Variants in ENTREP2 observed in about 807,000 individuals in gnomAD.
ENTREP2 encodes the protein endosomal transmembrane epsin interactor 2.
the ENTREP2 span, among the ~76,000 whole-genome samples, chr15:29,428,943 G>T: frequency 6.6e-6 from 1 of 152,218 alleles, no homozygotes; most frequent in Non-Finnish European, 1.5e-5. Flanking sequence ...AGGATTTGCT[G>T]GGTGGCTGAT....
the ENTREP2 span, among the ~76,000 whole-genome samples, chr15:29,526,197 T>G: frequency 6.6e-6 from 1 of 152,068 alleles, no homozygotes; most frequent in Non-Finnish European, 1.5e-5. Flanking sequence ...TTCTGTAGAG[T>G]GAACTGAAAG....
At chr15:29,427,219 G>A in the ENTREP2 span, among the ~76,000 whole-genome samples, 3 of 152,034 alleles carry the variant, frequency 2.0e-5, no homozygotes, top group Non-Finnish European at 4.4e-5. Flanking sequence ...AGGCCTAATC[G>A]TTATCCTGCA....
chr15:29,280,548 T>C, the ENTREP2 span, among the ~76,000 whole-genome samples: 2 of 151,928 alleles, frequency 1.3e-5, no homozygotes, highest in Admixed American at 1.3e-4. Context: ...CAGGAAAAAA[T>C]AGCAACCTTA....
At chr15:29,290,347 A>G in the ENTREP2 span, among the ~76,000 whole-genome samples, 1 of 152,176 alleles carries the variant, frequency 6.6e-6, no homozygotes, top group Non-Finnish European at 1.5e-5. Flanking sequence ...CCCCTGCAGA[A>G]TCACGCGGCT....
the ENTREP2 span, among the ~76,000 whole-genome samples, chr15:29,246,101 A>C: frequency 6.6e-6 from 1 of 152,240 alleles, no homozygotes; most frequent in East Asian, 1.9e-4. Flanking sequence ...TGTACAAAGA[A>C]TACTATTCAA....
chr15:29,450,628 G>A, the ENTREP2 span, among the ~76,000 whole-genome samples: 5 of 152,126 alleles, frequency 3.3e-5, no homozygotes, highest in African/African-American at 1.2e-4. Context: ...AAACCCAAAG[G>A]AATATAAATC....
At chr15:29,666,755 A>C in the ENTREP2 span, among the ~76,000 whole-genome samples, 1 of 152,142 alleles carries the variant, frequency 6.6e-6, no homozygotes, top group Non-Finnish European at 1.5e-5. Context: ...CTTCCTTGAC[A>C]CTGTAGTTTC....
chr15:29,350,646 A>C, the ENTREP2 span, among the ~76,000 whole-genome samples: 1,110 of 152,308 alleles, frequency 7.3e-3, 18 homozygotes, highest in African/African-American at 0.025. Flanking sequence ...ATAATTATTA[A>C]TATTTCATAA....
chr15:29,290,634 G>A, the ENTREP2 span, among the ~76,000 whole-genome samples: 1 of 152,206 alleles, frequency 6.6e-6, no homozygotes, highest in Non-Finnish European at 1.5e-5. Context: ...AAGGCGCTCA[G>A]TACAATTCTG....
chr15:29,234,739 T>C, the ENTREP2 span: 21 of 1,502,602 alleles, frequency 1.4e-5, no homozygotes, highest in Non-Finnish European at 1.9e-5. Flanking sequence ...ATTGGCATTG[T>C]CTGTTGGTTT....
the ENTREP2 span, among the ~76,000 whole-genome samples, chr15:29,301,385 G>C: frequency 6.6e-6 from 1 of 152,186 alleles, no homozygotes; most frequent in Non-Finnish European, 1.5e-5. Context: ...TTTTACTTAT[G>C]CATGTCCTTA....
At chr15:29,658,353 G>A in the ENTREP2 span, among the ~76,000 whole-genome samples, 1 of 152,206 alleles carries the variant, frequency 6.6e-6, no homozygotes, top group Non-Finnish European at 1.5e-5. Context: ...TAGCCTTGCA[G>A]AACTGTGAGT....
the ENTREP2 span, among the ~76,000 whole-genome samples, chr15:29,588,511 A>G: frequency 8.7e-6 from 1 of 115,198 alleles, no homozygotes; most frequent in Non-Finnish European, 1.7e-5. Flanking sequence ...AGAGAGAGGG[A>G]GGGAGGGAGG....
At chr15:29,479,704 CACACAT>C in the ENTREP2 span, among the ~76,000 whole-genome samples, 19 of 132,888 alleles carry the variant, frequency 1.4e-4, no homozygotes, top group African/African-American at 5.9e-4. Flanking sequence ...CACACACACA[CACACAT>C]GCTGGGACCT....
chr15:29,232,002 G>A, the ENTREP2 span, among the ~76,000 whole-genome samples: 16 of 150,090 alleles, frequency 1.1e-4, no homozygotes, highest in South Asian at 6.3e-4. Context: ...CGATTCTCCC[G>A]CTTCAGCCTC....
the ENTREP2 span, among the ~76,000 whole-genome samples, chr15:29,204,074 T>C: frequency 1.3e-5 from 2 of 152,152 alleles, no homozygotes; most frequent in Non-Finnish European, 2.9e-5. Flanking sequence ...CTTAGGAAAA[T>C]TCTGAAAACC....
At chr15:29,126,370 A>G in the ENTREP2 span, 1,179,887 of 1,542,544 alleles carry the variant, frequency 0.76, 454,364 homozygotes, top group Middle Eastern at 0.85. Flanking sequence ...CTGGAGACAC[A>G]TGGCCAGGGG....
chr15:29,654,056 T>A, the ENTREP2 span, among the ~76,000 whole-genome samples: 2 of 152,226 alleles, frequency 1.3e-5, no homozygotes, highest in African/African-American at 4.8e-5. Context: ...AGTATAGCTA[T>A]ACTTATCTTA....
At chr15:29,601,042 T>C in the ENTREP2 span, among the ~76,000 whole-genome samples, 5 of 151,000 alleles carry the variant, frequency 3.3e-5, no homozygotes, top group Non-Finnish European at 5.9e-5. Flanking sequence ...GGATTACAGG[T>C]GCCCGCCACC....
Sources: gnomAD v4.1 joint callset for allele counts (sites outside exome capture counted in the v4.1 genomes callset) on GRCh38, gnomAD v4.1.1 for gene constraint, MANE v1.5 for transcripts, NCBI Gene and HGNC (gene_info 2026-07-23, HGNC 2026-07-21) for gene names.